The following CALD1 variants were observed in gnomAD, a reference collection of about 807,000 sequenced individuals.
The protein encoded by CALD1 is caldesmon.
In CALD1, 33 loss-of-function variants were observed where a neutral mutation model predicts 99.9. The observed-to-expected ratio is 0.33, with a 90% CI of 0.25 to 0.44. The LOEUF (loss-of-function observed/expected upper bound fraction) is 0.44, where lower values mean the gene tolerates loss of function less well. Ranked by LOEUF, CALD1 falls within the 20% of genes least tolerant of loss-of-function variation. CALD1 has a pLI of 1.00. For synonymous variants in CALD1, 310 were observed against 325.0 expected (o/e 0.95, Z 0.50); for missense variants, 861 against 962.1 (o/e 0.89, Z 1.39).
intron 2 of CALD1, among the ~76,000 whole-genome samples, chr7:134,848,692 CATAAGT>C (rs1799953402): frequency 6.6e-6 from 1 of 152,080 alleles, no homozygotes; most frequent in Non-Finnish European, 1.5e-5. Context: ...GAATTCCTCC[CATAAGT>C]ATATGATACC....
chr7:134,946,847 ATT>A (rs543778930), intron 7 of CALD1, among the ~76,000 whole-genome samples: 3 of 143,948 alleles, frequency 2.1e-5, no homozygotes, highest in Non-Finnish European at 3.1e-5. Flanking sequence ...CGCCCGGCTA[ATT>A]TTTTTTTTTT....
intron 3 of CALD1, among the ~76,000 whole-genome samples, chr7:134,915,133 C>T (rs1338749650): frequency 2.0e-5 from 3 of 152,232 alleles, no homozygotes; most frequent in Non-Finnish European, 4.4e-5. Context: ...GCAGATGGTT[C>T]TGAACAATGG....
intron 3 of CALD1, among the ~76,000 whole-genome samples, chr7:134,882,453 C>T (rs1801649658): frequency 6.6e-6 from 1 of 152,102 alleles, no homozygotes; most frequent in African/African-American, 2.4e-5. Flanking sequence ...GGTAAGAGTC[C>T]ATTTCCTTTT....
chr7:134,891,421 T>C (rs890555144), intron 3 of CALD1: 3 of 1,291,020 alleles, frequency 2.3e-6, no homozygotes, highest in South Asian at 5.9e-5. Flanking sequence ...AGGAGTAGAT[T>C]TGGCTGAGGA....
chr7:134,779,821 A>G (rs1797034953), intron 1 of CALD1, 72 bp downstream of exon 1: 1 of 397,216 alleles, frequency 2.5e-6, no homozygotes, highest in Non-Finnish European at 4.4e-6. Context: ...TTCAGTCAAC[A>G]TTCCTGGCTA....
chr7:134,743,387 A>G (rs767284492), upstream of CALD1, among the ~76,000 whole-genome samples: 9 of 152,192 alleles, frequency 5.9e-5, no homozygotes, highest in Non-Finnish European at 1.0e-4. Flanking sequence ...CAAATGCTTT[A>G]TATTTCTAAA....
intron 1 of CALD1, among the ~76,000 whole-genome samples, chr7:134,834,674 G>C (rs1799361014): frequency 6.6e-6 from 1 of 152,152 alleles, no homozygotes; most frequent in South Asian, 2.1e-4. Flanking sequence ...CTGTAAAAGG[G>C]CCATGTATTT....
At chr7:134,741,645 G>A (rs1233341420), upstream of CALD1, among the ~76,000 whole-genome samples, 1 of 152,110 alleles carries the variant, frequency 6.6e-6, no homozygotes, top group African/African-American at 2.4e-5. Flanking sequence ...AAAAGATATA[G>A]ATCCATGAGG....
intron 1 of CALD1, among the ~76,000 whole-genome samples, chr7:134,815,920 TG>T (rs1300508837): frequency 5.9e-5 from 9 of 152,204 alleles, no homozygotes; most frequent in African/African-American, 1.7e-4. Context: ...ATATCCCCTT[TG>T]TAAAATATCA....
chr7:134,857,887 C>T (rs1800384696), intron 2 of CALD1, among the ~76,000 whole-genome samples: 1 of 152,122 alleles, frequency 6.6e-6, no homozygotes, highest in African/African-American at 2.4e-5. Context: ...TACAAAAATA[C>T]TGCTATTAAC....
chr7:134,845,062 T>C (rs1799797594), intron 2 of CALD1, among the ~76,000 whole-genome samples: 1 of 152,210 alleles, frequency 6.6e-6, no homozygotes. Context: ...TTTTGTTTAT[T>C]GCACGTGGGC....
At chr7:134,950,730 CA>C (rs1165972982) in intron 9 of CALD1, among the ~76,000 whole-genome samples, 1 of 152,102 alleles carries the variant, frequency 6.6e-6, no homozygotes, top group African/African-American at 2.4e-5. Context: ...CAGATGTGGG[CA>C]GATCACCTGA....
intron 1 of CALD1, among the ~76,000 whole-genome samples, chr7:134,773,780 T>TCC (rs1737377704): frequency 7.4e-6 from 1 of 134,682 alleles, no homozygotes; most frequent in Non-Finnish European, 1.6e-5. Context: ...CCAACCTCTC[T>TCC]TCTGTGTGTG....
chr7:134,949,004 G>A (rs1402246330), intron 8 of CALD1, among the ~76,000 whole-genome samples: 1 of 152,000 alleles, frequency 6.6e-6, no homozygotes, highest in East Asian at 1.9e-4. Context: ...TGGGGCCTTG[G>A]GAAAACTGGA....
intron 1 of CALD1, among the ~76,000 whole-genome samples, chr7:134,799,586 G>A (rs1030174967): frequency 6.6e-5 from 10 of 152,204 alleles, no homozygotes; most frequent in African/African-American, 2.2e-4. Context: ...TGGCTCTGCA[G>A]CTGAAAGAAC....
At chr7:134,850,288 T>C (rs1800022213) in intron 2 of CALD1, among the ~76,000 whole-genome samples, 2 of 152,220 alleles carry the variant, frequency 1.3e-5, no homozygotes, top group South Asian at 4.1e-4. Flanking sequence ...GATCATTTCA[T>C]CATTGAGGTC....
At chr7:134,940,457 A>C (rs1806339378) in intron 6 of CALD1, among the ~76,000 whole-genome samples, 2 of 152,182 alleles carry the variant, frequency 1.3e-5, no homozygotes, top group Non-Finnish European at 2.9e-5. Context: ...TTCCTATTCC[A>C]TTCTAACTTT....
At chr7:134,724,201 G>A in the CALD1 span, among the ~76,000 whole-genome samples, 7 of 152,340 alleles carry the variant, frequency 4.6e-5, no homozygotes, top group Admixed American at 6.5e-5. Context: ...TCACCAAGGC[G>A]TGTTTATATT....
chr7:134,913,243 G>A (rs1308150348), intron 3 of CALD1, among the ~76,000 whole-genome samples: 1 of 152,012 alleles, frequency 6.6e-6, no homozygotes, highest in East Asian at 1.9e-4. Context: ...TCCAGCCTAG[G>A]CAACAAGAGT....
Sources: gnomAD v4.1 joint callset for allele counts (sites outside exome capture counted in the v4.1 genomes callset) on GRCh38, gnomAD v4.1.1 for gene constraint, MANE v1.5 for transcripts, NCBI Gene and HGNC (gene_info 2026-07-23, HGNC 2026-07-21) for gene names.